The following ENPP6 variants were observed in gnomAD, a reference collection of about 807,000 sequenced individuals.
ENPP6 encodes the protein ectonucleotide pyrophosphatase/phosphodiesterase 6, also known as glycerophosphocholine cholinephosphodiesterase ENPP6.
A neutral mutation model predicts 42.0 loss-of-function variants in ENPP6; 32 were observed. The ratio of observed to expected loss-of-function variants is 0.76; its 90% CI spans 0.58 to 1.02. ENPP6 has a LOEUF of 1.02. ENPP6 is among the 50% of genes least tolerant of loss of function. The probability of loss-of-function intolerance (pLI) is 0.00; values close to 1 mark genes in which losing one functional copy is unlikely to be tolerated. For missense variants in ENPP6, 552 were observed against 566.8 expected, an observed-to-expected ratio of 0.97 and a Z score of 0.27; for synonymous variants, 213 against 216.0, an observed-to-expected ratio of 0.99 and a Z score of 0.12.
intron 1 of ENPP6, among the ~76,000 whole-genome samples, chr4:184,202,147 A>G (rs1732914007): frequency 6.6e-6 from 1 of 152,222 alleles, no homozygotes; most frequent in Admixed American, 6.5e-5. Context: ...TGCCAAGTGA[A>G]TATCTTACTC....
At chr4:184,152,217 C>T (rs1056983547) in intron 2 of ENPP6, among the ~76,000 whole-genome samples, 12 of 152,160 alleles carry the variant, frequency 7.9e-5, no homozygotes, top group African/African-American at 1.4e-4. Flanking sequence ...CTGCCCTCCG[C>T]GGTCTCCGTG....
At chr4:184,165,348 G>C (rs1737330970) in intron 1 of ENPP6, among the ~76,000 whole-genome samples, 1 of 152,212 alleles carries the variant, frequency 6.6e-6, no homozygotes, top group African/African-American at 2.4e-5. Flanking sequence ...GTGGCTGAGT[G>C]AGGAGGCTGG....
At chr4:184,148,807 C>T (rs146862618) in intron 2 of ENPP6, among the ~76,000 whole-genome samples, 7 of 152,296 alleles carry the variant, frequency 4.6e-5, no homozygotes, top group African/African-American at 1.7e-4. Context: ...AAAACCAAAT[C>T]AATTAGCTAT....
chr4:184,160,701 T>C (rs1737244753), intron 1 of ENPP6, among the ~76,000 whole-genome samples: 1 of 53,400 alleles, frequency 1.9e-5, no homozygotes. Context: ...CAGCTGGAGC[T>C]CTCTCTCTCT....
At chr4:184,118,269 C>T (rs1214261946) in intron 3 of ENPP6, among the ~76,000 whole-genome samples, 1 of 152,230 alleles carries the variant, frequency 6.6e-6, no homozygotes, top group Non-Finnish European at 1.5e-5. Flanking sequence ...TAGGTGTCCA[C>T]ACTTCCAGAG....
At chr4:184,155,299 A>T (rs1419996066) in intron 1 of ENPP6, among the ~76,000 whole-genome samples, 1 of 152,128 alleles carries the variant, frequency 6.6e-6, no homozygotes, top group Non-Finnish European at 1.5e-5. Flanking sequence ...TTTATTCAAA[A>T]TTTTGCATTC....
chr4:184,180,691 C>T (rs939158696), intron 1 of ENPP6, among the ~76,000 whole-genome samples: 10 of 152,180 alleles, frequency 6.6e-5, no homozygotes, highest in African/African-American at 2.4e-4. Flanking sequence ...CCCTGGGATA[C>T]AAGCCTGATT....
At position 184,199,849 on chromosome 4, in the gene ENPP6, G is replaced by A. The variant is rs569856342; in HGVS notation, c.241+17730C>T. On this transcript the variant is annotated intron_variant, in intron 1 of 7. Coordinates refer to ENST00000296741, the MANE Select transcript of ENPP6 (RefSeq NM_153343.4). ...GCCCACCCCAGTCCCCCCACTTTCC[G>A]TCTGCTCCCACTCAGTGGGCCCTAA... Among the ~76,000 whole-genome samples the A allele has an allele frequency of 2.0e-3, 307 of 152,316 alleles. 1 individual carries two copies. The highest frequency in any genetic ancestry group is 3.5e-3 in the Non-Finnish European group (239 of 68,016).
At chr4:184,123,914 T>TA (rs1056744107) in intron 3 of ENPP6, among the ~76,000 whole-genome samples, 108 of 152,286 alleles carry the variant, frequency 7.1e-4, no homozygotes, top group African/African-American at 2.5e-3. Context: ...TTTAACAACA[T>TA]AAAAAAGGAG....
At position 184,090,687 on chromosome 4, in the gene ENPP6, T is replaced by C. The variant is rs2111323194; in HGVS notation, c.*490A>G. ...AAATAGACAGTAGCTTTTGCTTTCATGTAGACCTCCTTTTATCAGGGATGG... is the reference window on the plus strand; with the variant it reads ...AAATAGACAGTAGCTTTTGCTTTCACGTAGACCTCCTTTTATCAGGGATGG... On this transcript the variant is annotated 3_prime_UTR_variant, in exon 8 of 8. Coordinates refer to ENST00000296741, the MANE Select transcript of ENPP6 (RefSeq NM_153343.4). The C allele has an allele frequency of 3.8e-6, 1 of 261,524 alleles. No individual in the cohort carries two copies. The highest frequency in any genetic ancestry group is 7.2e-6 in the Non-Finnish European group (1 of 139,838). 16.2% of individuals were successfully genotyped at this position (261,524 alleles called of 1,614,324 possible).
intron 1 of ENPP6, among the ~76,000 whole-genome samples, chr4:184,210,548 A>G (rs1366974372): frequency 1.4e-5 from 2 of 145,152 alleles, no homozygotes; most frequent in Non-Finnish European, 3.0e-5. Context: ...TATCCTAAAT[A>G]TATATGCACC....
chr4:184,137,911 G>A (rs1000050911), intron 2 of ENPP6, among the ~76,000 whole-genome samples: 2 of 152,174 alleles, frequency 1.3e-5, no homozygotes, highest in African/African-American at 4.8e-5. Context: ...TCCAGGTCTT[G>A]GCATGTCTCT....
intron 1 of ENPP6, chr4:184,216,492 C>G (rs6820013): frequency 0.69 from 104,428 of 152,028 alleles, 36,932 homozygotes; most frequent in East Asian, 0.85. Flanking sequence ...ATATAAATGT[C>G]TGTTTTAGAC....
chr4:184,153,821 C>A, intron 1 of ENPP6, 88 bp from the exon 2 acceptor site: 1 of 1,453,960 alleles, frequency 6.9e-7, no homozygotes, highest in Non-Finnish European at 9.3e-7. Context: ...GCCATTCGTG[C>A]TCGTTTAGGA....
chr4:184,148,447 G>C (rs1428678588), intron 2 of ENPP6, among the ~76,000 whole-genome samples: 1 of 152,192 alleles, frequency 6.6e-6, no homozygotes, highest in Non-Finnish European at 1.5e-5. Context: ...TTTGAACACT[G>C]CAGGAATCAC....
chr4:184,196,897 C>G (rs552237198), intron 1 of ENPP6, among the ~76,000 whole-genome samples: 3 of 152,154 alleles, frequency 2.0e-5, no homozygotes, highest in Non-Finnish European at 4.4e-5. Context: ...GTCTGATGTC[C>G]CCTGAGGGAA....
Position 184,110,602 on chromosome 4 carries a change from C to T in ENPP6, c.993+2070G>A, listed in dbSNP as rs147415330. ...GTAGGAGACATACAAACAGAACCCA[C>T]GCCCTTTCTTTCCTGCTTTGGAATG... On this transcript the variant is annotated intron_variant, in intron 6 of 7. Coordinates refer to ENST00000296741, the MANE Select transcript of ENPP6 (RefSeq NM_153343.4). 4.1e-3 allele frequency among the ~76,000 whole-genome samples: 619 copies of T among 152,298 alleles called. 6 individuals are homozygous for T. Among genetic ancestry groups the T allele is most frequent in the Middle Eastern group, 0.014 (4 of 294 alleles).
intron 1 of ENPP6, among the ~76,000 whole-genome samples, chr4:184,199,434 G>A (rs1418405272): frequency 1.3e-5 from 2 of 152,204 alleles, no homozygotes. Context: ...GTTTCTGTAC[G>A]GTGGCTGCTT....
chr4:184,125,748 C>T (rs1736493405), intron 2 of ENPP6, among the ~76,000 whole-genome samples: 1 of 152,114 alleles, frequency 6.6e-6, no homozygotes, highest in Non-Finnish European at 1.5e-5. Context: ...CAGGAAGTTT[C>T]CTTTTCCAAA....
Sources: allele counts gnomAD v4.1 joint callset (sites outside exome capture counted in the v4.1 genomes callset), GRCh38; gene constraint gnomAD v4.1.1; transcripts MANE v1.5; gene names NCBI Gene and HGNC (gene_info 2026-07-23, HGNC 2026-07-21).